The following ZNF469 variants were observed in gnomAD, a reference collection of about 807,000 sequenced individuals.
ZNF469 encodes zinc finger protein 469.
In ZNF469, 1 loss-of-function variant was observed where a neutral mutation model predicts 1.0. The observed-to-expected ratio is 1.00, with a 90% CI of 0.35 to 4.73. The LOEUF (loss-of-function observed/expected upper bound fraction) is 4.73. ZNF469 is among the 30% of genes most tolerant of loss of function. The pLI is 0.16. For synonymous variants in ZNF469, 2,703 were observed against 2,363.4 expected, an observed-to-expected ratio of 1.14 and a Z score of -4.17; for missense variants, 6,100 against 5,356.3, an observed-to-expected ratio of 1.14 and a Z score of -4.33.
At chr16:88,386,451 C>T (rs1047595627) in intron 1 of ZNF469, among the ~76,000 whole-genome samples, 7 of 152,126 alleles carry the variant, frequency 4.6e-5, no homozygotes, top group African/African-American at 1.7e-4. Context: ...GTGGGAACAC[C>T]CCTCCTCTCC....
the ZNF469 span, among the ~76,000 whole-genome samples, chr16:88,356,659 GAGGCCAGATACATGAACA>G: frequency 5.1e-4 from 78 of 152,326 alleles, no homozygotes; most frequent in African/African-American, 1.6e-3. Flanking sequence ...TGTCAGTGGA[GAGGCCAGATACATGAACA>G]AGGCACCACG....
chr16:88,374,946 G>A, the ZNF469 span, among the ~76,000 whole-genome samples: 3 of 152,234 alleles, frequency 2.0e-5, no homozygotes, highest in African/African-American at 7.2e-5. Flanking sequence ...AGCGTTCAGT[G>A]TGGTGGAATC....
the ZNF469 span, among the ~76,000 whole-genome samples, chr16:88,290,975 C>T: frequency 6.6e-6 from 1 of 152,330 alleles, no homozygotes; most frequent in Middle Eastern, 3.4e-3. Context: ...TTGGCCAGTG[C>T]TCTCTGCCTG....
chr16:88,146,935 C>T, the ZNF469 span, among the ~76,000 whole-genome samples: 1 of 151,994 alleles, frequency 6.6e-6, no homozygotes, highest in Non-Finnish European at 1.5e-5. Flanking sequence ...TGGGTGGCCT[C>T]CTGGGGGTGT....
Position 88,432,997 on chromosome 16 carries a change from C to T in ZNF469, c.5527C>T (p.Leu1843Phe). The change falls in exon 3 of 3, where the codon CTC (leucine) becomes TTC (phenylalanine). Residue 1843 changes from leucine (L) to phenylalanine (F), a missense_variant. Leu to Phe is a conservative substitution (Grantham distance 22, BLOSUM62 0). Coordinates refer to ENST00000565624, the MANE Select transcript of ZNF469 (RefSeq NM_001367624.2). ...TTCTGCAGGCAGAGCAGGTGGGCAC[C>T]TCCACCCCACGGCAGGGAGGCCTGG... is the stretch of plus-strand genomic sequence containing the variant. ...GHSAGRAGGH[L>F]HPTAGRPGFE... 6.4e-7 allele frequency: 1 copy of T among 1,550,400 alleles called. No individual in the cohort carries two copies. The highest frequency in any genetic ancestry group is 8.7e-7 in the Non-Finnish European group (1 of 1,146,976).
At chr16:88,210,362 A>G in the ZNF469 span, among the ~76,000 whole-genome samples, 144,833 of 151,780 alleles carry the variant, frequency 0.95, 69,356 homozygotes, top group Non-Finnish European at 0.99. Context: ...TCTTTGCGGT[A>G]TTTTTTAACC....
the ZNF469 span, among the ~76,000 whole-genome samples, chr16:88,319,964 C>T: frequency 6.6e-6 from 1 of 152,238 alleles, no homozygotes; most frequent in East Asian, 1.9e-4. Flanking sequence ...TTCCTCCCAT[C>T]TGGCATCTCC....
chr16:88,426,477 G>C (rs1185247571), intron 2 of ZNF469, among the ~76,000 whole-genome samples: 1 of 152,264 alleles, frequency 6.6e-6, no homozygotes, highest in Non-Finnish European at 1.5e-5. Context: ...CATGACATGA[G>C]AACAGACATG....
chr16:88,219,345 A>C, the ZNF469 span, among the ~76,000 whole-genome samples: 2 of 141,374 alleles, frequency 1.4e-5, no homozygotes, highest in African/African-American at 5.4e-5. Context: ...AGCTGGAGGC[A>C]TCACACTACC....
chr16:88,366,208 A>G, the ZNF469 span, among the ~76,000 whole-genome samples: 53 of 151,844 alleles, frequency 3.5e-4, no homozygotes, highest in Admixed American at 6.5e-4. Context: ...CATCATCATC[A>G]TCATCATCAC....
chr16:88,273,873 C>T, the ZNF469 span, among the ~76,000 whole-genome samples: 8 of 147,784 alleles, frequency 5.4e-5, no homozygotes, highest in African/African-American at 1.5e-4. Flanking sequence ...GGCGCGATCT[C>T]GGCTCACTGC....
At chr16:88,134,314 TACTC>T in the ZNF469 span, among the ~76,000 whole-genome samples, 596 of 152,348 alleles carry the variant, frequency 3.9e-3, 5 homozygotes, top group African/African-American at 0.014. Flanking sequence ...TGCACTGTTG[TACTC>T]ACTCTTTGGG....
chr16:88,123,028 C>G, the ZNF469 span, among the ~76,000 whole-genome samples: 89 of 152,102 alleles, frequency 5.9e-4, no homozygotes, highest in African/African-American at 2.1e-3. Flanking sequence ...CAGATTGCCT[C>G]TTTGTTGGCT....
At chr16:88,390,699 C>G (rs1904462205) in intron 1 of ZNF469, among the ~76,000 whole-genome samples, 1 of 152,162 alleles carries the variant, frequency 6.6e-6, no homozygotes, top group South Asian at 2.1e-4. Context: ...AGCAGGTAGA[C>G]TAGGGAGACA....
At chr16:88,349,826 A>C in the ZNF469 span, among the ~76,000 whole-genome samples, 1 of 142,858 alleles carries the variant, frequency 7.0e-6, no homozygotes, top group Admixed American at 7.0e-5. Flanking sequence ...ATGCACACAC[A>C]CGAGGCACCA....
chr16:88,190,740 G>A, the ZNF469 span, among the ~76,000 whole-genome samples: 42 of 152,204 alleles, frequency 2.8e-4, no homozygotes, highest in Non-Finnish European at 5.9e-5. Flanking sequence ...CTTGAACTAG[G>A]GAAGTATGTT....
In ZNF469 at chr16:88,436,739, G is replaced by A. The variant is rs751447615; in HGVS notation, c.9269G>A (p.Arg3090Gln). 232 of 1,548,450 alleles carry A rather than the reference G, an allele frequency of 1.5e-4. No individual in the cohort carries two copies. Among genetic ancestry groups the A allele is most frequent in the Non-Finnish European group, 2.0e-4 (225 of 1,146,284 alleles). Residue 3090 changes from arginine to glutamine, a missense_variant, in exon 3 of 3, where the codon CGA (arginine) becomes CAA (glutamine). Physicochemically the swap from Arg to Gln is conservative, Grantham distance 43. Transcript: ENST00000565624. ...GTASSQGPQS[R>Q]RTEEAAGAGR... is the part of the protein sequence containing the mutation. ...GCGAGCTCACAGGGGCCACAGAGCC[G>A]AAGGACAGAGGAGGCTGCAGGGGCA...
the ZNF469 span, among the ~76,000 whole-genome samples, chr16:88,243,863 G>GATGGGTGA: frequency 7.2e-6 from 1 of 138,824 alleles, no homozygotes; most frequent in African/African-American, 2.7e-5. Flanking sequence ...TGGATGGTTG[G>GATGGGTGA]ATGCATGGGT....
the ZNF469 span, among the ~76,000 whole-genome samples, chr16:88,120,587 G>A: frequency 4.6e-5 from 7 of 152,228 alleles, no homozygotes; most frequent in Non-Finnish European, 7.3e-5. Context: ...GCAGGGAGGC[G>A]AGAGCCCTCA....
Sources: gnomAD v4.1 joint callset for allele counts (sites outside exome capture counted in the v4.1 genomes callset) on GRCh38, gnomAD v4.1.1 for gene constraint, MANE v1.5 for transcripts, NCBI Gene and HGNC (gene_info 2026-07-23, HGNC 2026-07-21) for gene names.